The following SATB2 variants were observed in gnomAD, a reference collection of about 807,000 sequenced individuals.
SATB2 encodes the protein SATB homeobox 2.
Under a neutral mutation model 73.4 loss-of-function variants are expected in SATB2, and 1 was observed. The observed-to-expected ratio is 0.01, with a 90% CI of 0.00 to 0.06. SATB2 has a LOEUF of 0.06. Among genes scored for constraint, SATB2 ranks in the 10% least tolerant of loss-of-function variants. The pLI is 1.00. For synonymous variants in SATB2, 397 were observed against 367.0 expected (o/e 1.08, Z -0.93); for missense variants, 459 against 945.8 (o/e 0.49, Z 6.75).
chr2:199,304,369 T>C (rs1687371356), intron 10 of SATB2, among the ~76,000 whole-genome samples: 1 of 152,156 alleles, frequency 6.6e-6, no homozygotes. Flanking sequence ...TTTCATGAAA[T>C]GCTTTGGTTT....
At chr2:199,379,004 G>A (rs2105863781) in intron 5 of SATB2, among the ~76,000 whole-genome samples, 1 of 152,220 alleles carries the variant, frequency 6.6e-6, no homozygotes, top group Middle Eastern at 3.4e-3. Flanking sequence ...TTCTGTAATA[G>A]GTTTCTCATT....
At chr2:199,293,104 T>G (rs1391610332) in intron 10 of SATB2, among the ~76,000 whole-genome samples, 2 of 152,166 alleles carry the variant, frequency 1.3e-5, no homozygotes, top group African/African-American at 4.8e-5. Context: ...TGTCCCCTAA[T>G]TTTTTTCTGT....
At chr2:199,427,520 A>G (rs1691372424) in intron 3 of SATB2, among the ~76,000 whole-genome samples, 1 of 152,144 alleles carries the variant, frequency 6.6e-6, no homozygotes, top group Non-Finnish European at 1.5e-5. Flanking sequence ...ATGTTTTCTA[A>G]GATAGTCTTT....
intron 10 of SATB2, among the ~76,000 whole-genome samples, chr2:199,278,819 C>T (rs1692394712): frequency 6.6e-6 from 1 of 152,156 alleles, no homozygotes; most frequent in African/African-American, 2.4e-5. Context: ...TTACATTTAA[C>T]TGATTGTTGT....
intron 3 of SATB2, among the ~76,000 whole-genome samples, chr2:199,431,926 G>T (rs184691785): frequency 2.6e-3 from 399 of 152,338 alleles, no homozygotes; most frequent in African/African-American, 9.1e-3. Flanking sequence ...TTTGTGGGGG[G>T]AAGGGAAGGG....
chr2:199,335,064 C>T (rs1324281047), intron 7 of SATB2, among the ~76,000 whole-genome samples: 4 of 151,976 alleles, frequency 2.6e-5, no homozygotes, highest in East Asian at 1.9e-4. Flanking sequence ...TGCTTAGCCA[C>T]GAAGCCAGAG....
chr2:199,437,873 A>C (rs1341102989), intron 2 of SATB2, among the ~76,000 whole-genome samples: 1 of 152,218 alleles, frequency 6.6e-6, no homozygotes, highest in Non-Finnish European at 1.5e-5. Context: ...CTTCAGAATA[A>C]AGATGATACT....
chr2:199,381,916 C>T, intron 3 of SATB2, 96 bp from the exon 4 acceptor site: 2 of 1,360,510 alleles, frequency 1.5e-6, no homozygotes, highest in Non-Finnish European at 1.0e-6. Context: ...CAATCATCAA[C>T]ATCCAAGGCC....
intron 6 of SATB2, among the ~76,000 whole-genome samples, chr2:199,350,109 A>G (rs1286337402): frequency 1.3e-5 from 2 of 152,308 alleles, no homozygotes; most frequent in East Asian, 1.9e-4. Context: ...TAGGTGTAAT[A>G]TAATCTAACA....
intron 3 of SATB2, among the ~76,000 whole-genome samples, chr2:199,404,148 G>C (rs1690565091): frequency 1.3e-5 from 2 of 152,270 alleles, no homozygotes; most frequent in African/African-American, 4.8e-5. Flanking sequence ...CTGCCAAAGG[G>C]GACATGTAGC....
In SATB2 at chr2:199,464,046, G is replaced by A. The variant is rs1046298913; in HGVS notation, c.-141+790C>T. On this transcript the variant is annotated intron_variant, in intron 1 of 11. Coordinates refer to the SATB2 transcript ENST00000260926. This position sits in a 1 kb window ranked among gnomAD's most constrained non-coding sequence, Gnocchi z 6.6. ...CACCTACTGGAGCCAGGGACGAGGG[G>A]GGCAGTGTATCCGGCGGCCCAAACT... Among the ~76,000 whole-genome samples the A allele has an allele frequency of 1.2e-4, 19 of 152,200 alleles. No homozygotes were observed. The highest frequency in any genetic ancestry group is 2.6e-4 in the Non-Finnish European group (18 of 68,042).
chr2:199,363,852 GGGCAGACAAACTTACAACATAGGCAGAA>G (rs927827075), intron 6 of SATB2, among the ~76,000 whole-genome samples: 5 of 152,164 alleles, frequency 3.3e-5, no homozygotes, highest in Admixed American at 6.5e-5. Flanking sequence ...CATAGGCAGA[GGGCAGACAAACTTACAACATAGGCAGAA>G]GGCAGACAAA....
chr2:199,270,466 G>A lies in SATB2; in HGVS notation c.*1745C>T, dbSNP rs1419730804. 1 of 146,516 alleles carries A rather than the reference G, an allele frequency of 6.8e-6. No individual in the cohort carries two copies. Among genetic ancestry groups the A allele is most frequent in the Non-Finnish European group, 1.5e-5 (1 of 66,882 alleles). 9.1% of individuals were successfully genotyped at this position (146,516 alleles called of 1,614,324 possible). On this transcript the variant is annotated 3_prime_UTR_variant, in exon 11 of 11. Coordinates refer to ENST00000417098, the MANE Select transcript of SATB2 (RefSeq NM_001172509.2). The stretch of plus-strand genomic sequence containing the variant: ...GTAAACAGAAAATAACTTTCAAAGT[G>A]ATATTGCATGAGGTCTTTGACAAGG...
intron 2 of SATB2, among the ~76,000 whole-genome samples, chr2:199,433,944 T>C (rs1370708276): frequency 2.0e-5 from 3 of 151,950 alleles, no homozygotes. Context: ...AATATATTTC[T>C]CTTTAAATAT....
chr2:199,324,672 A>G (rs143890751), intron 8 of SATB2, among the ~76,000 whole-genome samples: 1 of 152,324 alleles, frequency 6.6e-6, no homozygotes, highest in African/African-American at 2.4e-5. Flanking sequence ...AATGAAGGAC[A>G]ATATAGAAGT....
At chr2:199,416,130 A>G (rs1249593049) in intron 3 of SATB2, among the ~76,000 whole-genome samples, 1 of 152,170 alleles carries the variant, frequency 6.6e-6, no homozygotes, top group African/African-American at 2.4e-5. Flanking sequence ...TTATATTTCT[A>G]TTTTAGAGTG....
At chr2:199,303,597 G>T (rs191064052) in intron 10 of SATB2, among the ~76,000 whole-genome samples, 3 of 152,110 alleles carry the variant, frequency 2.0e-5, no homozygotes, top group African/African-American at 7.2e-5. Context: ...GGGATATTTG[G>T]CAGCATCTCT....
chr2:199,285,913 T>C (rs990217305), intron 10 of SATB2, among the ~76,000 whole-genome samples: 11 of 146,278 alleles, frequency 7.5e-5, no homozygotes, highest in African/African-American at 1.3e-4. Flanking sequence ...GTAACCAAGA[T>C]ACTACTGGAA....
chr2:199,371,269 T>C (rs1267754901), intron 5 of SATB2, among the ~76,000 whole-genome samples: 1 of 152,182 alleles, frequency 6.6e-6, no homozygotes, highest in Non-Finnish European at 1.5e-5. Flanking sequence ...GCTAAATCAC[T>C]AGGCTTCACT....
Sources: allele counts gnomAD v4.1 joint callset (sites outside exome capture counted in the v4.1 genomes callset), GRCh38; gene constraint gnomAD v4.1.1; non-coding constraint Gnocchi (gnomAD v3.1); transcripts MANE v1.5; gene names NCBI Gene and HGNC (gene_info 2026-07-23, HGNC 2026-07-21).